TMEM132D: variants seen among roughly 807,000 people sequenced by gnomAD.
TMEM132D encodes mature OL transmembrane protein.
TMEM132D carries 21 observed loss-of-function variants against 62.3 expected under a neutral mutation model. The ratio of observed to expected loss-of-function variants is 0.34; its 90% CI spans 0.24 to 0.49. The LOEUF (loss-of-function observed/expected upper bound fraction) is 0.49. Among genes scored for constraint, TMEM132D ranks in the 20% least tolerant of loss-of-function variants. The pLI is 0.99. For missense variants in TMEM132D, 1,346 were observed against 1,402.8 expected, an observed-to-expected ratio of 0.96 and a Z score of 0.65; for synonymous variants, 621 against 575.6, an observed-to-expected ratio of 1.08 and a Z score of -1.13.
intron 3 of TMEM132D, among the ~76,000 whole-genome samples, chr12:129,491,708 G>T (rs574802195): frequency 6.6e-6 from 1 of 152,182 alleles, no homozygotes; most frequent in African/African-American, 2.4e-5. Flanking sequence ...TTGGGAGGCC[G>T]AGGTGGGTAG....
intron 1 of TMEM132D, among the ~76,000 whole-genome samples, chr12:129,841,504 G>C (rs1201804697): frequency 6.6e-6 from 1 of 152,162 alleles, no homozygotes; most frequent in African/African-American, 2.4e-5. Context: ...TCTGCCAAGA[G>C]CGTGTTAATT....
intron 5 of TMEM132D, among the ~76,000 whole-genome samples, chr12:129,155,854 AC>A (rs1229024432): frequency 2.6e-5 from 4 of 151,390 alleles, no homozygotes; most frequent in Non-Finnish European, 5.9e-5. Flanking sequence ...GATACCCAAC[AC>A]ACTCCCAATA....
chr12:129,823,133 C>G (rs1284228740), intron 1 of TMEM132D, among the ~76,000 whole-genome samples: 2 of 152,204 alleles, frequency 1.3e-5, no homozygotes, highest in Non-Finnish European at 2.9e-5. Flanking sequence ...TGTGATGTGC[C>G]TACTCCTCCT....
In TMEM132D at chr12:129,798,479, T is replaced by C. The variant is rs560007224; in HGVS notation, c.80-97781A>G. On this transcript the variant is annotated intron_variant, in intron 1 of 8. Transcript: ENST00000422113. ...ACATATTATACATTTCTTTAATTTT[T>C]ATAAACTTAACTATATGAAATCAGC... Among the ~76,000 whole-genome samples the C allele has an allele frequency of 5.1e-4, 77 of 152,300 alleles. 1 individual carries two copies. The South Asian group carries it at 0.014, about 28-fold the overall frequency.
chr12:129,463,682 T>A (rs913310974), intron 3 of TMEM132D, among the ~76,000 whole-genome samples: 3 of 151,440 alleles, frequency 2.0e-5, no homozygotes, highest in Non-Finnish European at 4.4e-5. Context: ...TGTCCATGTG[T>A]TCTCATTGTT....
At chr12:129,841,269 G>T (rs1308535293) in intron 1 of TMEM132D, among the ~76,000 whole-genome samples, 1 of 150,338 alleles carries the variant, frequency 6.7e-6, no homozygotes, top group African/African-American at 2.5e-5. Flanking sequence ...AAGGAAGAAA[G>T]AAAAGATTCA....
At chr12:129,489,041 C>T (rs548218739) in intron 3 of TMEM132D, among the ~76,000 whole-genome samples, 8 of 152,114 alleles carry the variant, frequency 5.3e-5, no homozygotes, top group South Asian at 2.1e-4. Context: ...CGTCAATAGC[C>T]ATCAATAACA....
chr12:129,668,811 T>C (rs534851627), intron 2 of TMEM132D, among the ~76,000 whole-genome samples: 1 of 152,330 alleles, frequency 6.6e-6, no homozygotes, highest in East Asian at 1.9e-4. Context: ...GCGGTTATTT[T>C]ACCAAGGCTT....
rs1262996352 is a variant in TMEM132D at position 129,841,999 on chromosome 12, C to T, written c.79+61262G>A. ...AGGCTGGAGTACAGTGGCGCGATCT[C>T]GGCTCACTGCAAGCTCTGCCTCCTG... On this transcript the variant is annotated intron_variant, in intron 1 of 8. Coordinates refer to ENST00000422113, the MANE Select transcript of TMEM132D (RefSeq NM_133448.3). Among the ~76,000 whole-genome samples the T allele has an allele frequency of 2.3e-4, 34 of 148,848 alleles. No homozygotes were observed. In the South Asian group the frequency reaches 4.0e-3, roughly 18 times the overall value.
intron 2 of TMEM132D, among the ~76,000 whole-genome samples, chr12:129,540,338 G>A (rs1876550306): frequency 6.6e-6 from 1 of 152,130 alleles, no homozygotes; most frequent in Non-Finnish European, 1.5e-5. Context: ...CCAGCTGTTA[G>A]AGGCTCTGAA....
intron 3 of TMEM132D, among the ~76,000 whole-genome samples, chr12:129,382,200 A>G (rs1870972399): frequency 6.6e-6 from 1 of 152,220 alleles, no homozygotes; most frequent in African/African-American, 2.4e-5. Context: ...AAATTCAGAG[A>G]CTGGTTTACA....
chr12:129,468,477 A>C (rs530410683), intron 3 of TMEM132D, among the ~76,000 whole-genome samples: 3 of 152,236 alleles, frequency 2.0e-5, no homozygotes, highest in African/African-American at 7.2e-5. Flanking sequence ...CTGCATCCAC[A>C]GGAAGACAAT....
intron 3 of TMEM132D, among the ~76,000 whole-genome samples, chr12:129,422,003 G>A (rs1052183073): frequency 3.3e-5 from 5 of 150,124 alleles, no homozygotes; most frequent in South Asian, 4.2e-4. Context: ...GTGCCTTCGC[G>A]GTCAAATCCT....
chr12:129,276,685 G>A (rs1463102962), intron 4 of TMEM132D, among the ~76,000 whole-genome samples: 4 of 152,230 alleles, frequency 2.6e-5, no homozygotes, highest in Admixed American at 1.3e-4. Context: ...GCCCACTTAC[G>A]CCGATAGTTT....
intron 3 of TMEM132D, among the ~76,000 whole-genome samples, chr12:129,498,725 C>T (rs1197342565): frequency 1.3e-5 from 2 of 152,086 alleles, no homozygotes; most frequent in Non-Finnish European, 2.9e-5. Context: ...GCATTAAGAT[C>T]CTCCTGTATG....
chr12:129,838,975 G>C (rs572022791), intron 1 of TMEM132D, among the ~76,000 whole-genome samples: 1 of 144,796 alleles, frequency 6.9e-6, no homozygotes, highest in Non-Finnish European at 1.5e-5. Flanking sequence ...TTTTTGAGAC[G>C]AAGTCTCCCT....
intron 1 of TMEM132D, among the ~76,000 whole-genome samples, chr12:129,901,341 C>T (rs958705222): frequency 6.6e-6 from 1 of 152,166 alleles, no homozygotes; most frequent in Non-Finnish European, 1.5e-5. Context: ...ATCACATCTG[C>T]ATCATGAAAT....
chr12:129,299,351 C>A (rs1022227530), intron 4 of TMEM132D, among the ~76,000 whole-genome samples: 6 of 151,770 alleles, frequency 4.0e-5, no homozygotes, highest in African/African-American at 1.5e-4. Context: ...TCAAGCCATA[C>A]CTGAAATCCA....
chr12:129,643,655 T>C (rs1350482701), intron 2 of TMEM132D, among the ~76,000 whole-genome samples: 2 of 152,170 alleles, frequency 1.3e-5, no homozygotes, highest in Admixed American at 6.5e-5. Context: ...ACCTGCCCCA[T>C]TCTATTCAAA....
Sources: gnomAD v4.1 joint callset for allele counts (sites outside exome capture counted in the v4.1 genomes callset) on GRCh38, gnomAD v4.1.1 for gene constraint, MANE v1.5 for transcripts, NCBI Gene and HGNC (gene_info 2026-07-23, HGNC 2026-07-21) for gene names.